Variants in RFTN1 observed in about 807,000 individuals in gnomAD.
The protein encoded by RFTN1 is raftlin, lipid raft linker 1.
RFTN1 carries 26 observed loss-of-function variants against 46.5 expected under a neutral mutation model. The observed-to-expected ratio is 0.56, with a 90% CI of 0.41 to 0.78. RFTN1 has a LOEUF of 0.78. RFTN1 is among the 30% of genes least tolerant of loss of function. RFTN1 has a pLI of 0.00. For synonymous variants in RFTN1, 261 were observed against 284.2 expected (o/e 0.92, Z 0.82); for missense variants, 693 against 718.7 (o/e 0.96, Z 0.41).
At chr3:16,343,057 C>T (rs2071416109) in intron 7 of RFTN1, among the ~76,000 whole-genome samples, 1 of 152,118 alleles carries the variant, frequency 6.6e-6, no homozygotes, top group African/African-American at 2.4e-5. Context: ...GTTGCCCAGG[C>T]TGGTTTTGAA....
chr3:16,485,962 A>C (rs753622771), intron 2 of RFTN1, among the ~76,000 whole-genome samples: 1 of 152,218 alleles, frequency 6.6e-6, no homozygotes, highest in Non-Finnish European at 1.5e-5. Context: ...GAAAAGAAAA[A>C]TACCTTCCTT....
At chr3:16,377,404 T>C (rs1575175059) in intron 5 of RFTN1, among the ~76,000 whole-genome samples, 1 of 152,202 alleles carries the variant, frequency 6.6e-6, no homozygotes, top group African/African-American at 2.4e-5. Context: ...GTGTGAAAAC[T>C]GGATAATTCA....
intron 2 of RFTN1, among the ~76,000 whole-genome samples, chr3:16,445,446 G>A (rs2075708137): frequency 6.8e-6 from 1 of 146,404 alleles, no homozygotes; most frequent in South Asian, 2.2e-4. Flanking sequence ...TCTGTCTGTT[G>A]CCATTTTTTC....
In RFTN1 at chr3:16,446,954, T is replaced by A. The variant is rs2075742446; in HGVS notation, c.146-12917A>T. On this transcript the variant is annotated intron_variant, in intron 2 of 9. Coordinates refer to ENST00000334133, the MANE Select transcript of RFTN1 (RefSeq NM_015150.2). The surrounding 1 kb of genome is among the most constrained non-coding windows in gnomAD (Gnocchi z 4.5). ...GACAAACTATGGAAACTATTGGAAA[T>A]CATAAAGACCACGTGTAAGACTAGT... Among the ~76,000 whole-genome samples the A allele has an allele frequency of 2.6e-5, 4 of 152,206 alleles. No individual in the cohort carries two copies. The South Asian group carries it at 8.3e-4, about 32-fold the overall frequency.
intron 6 of RFTN1, among the ~76,000 whole-genome samples, chr3:16,360,969 A>T (rs1159949944): frequency 6.6e-6 from 1 of 152,366 alleles, no homozygotes; most frequent in South Asian, 2.1e-4. Flanking sequence ...AGCAGCAGTT[A>T]TAAGTGGTAG....
At chr3:16,492,720 C>A (rs1184096715) in intron 2 of RFTN1, among the ~76,000 whole-genome samples, 2 of 152,202 alleles carry the variant, frequency 1.3e-5, no homozygotes, top group African/African-American at 4.8e-5. Context: ...AAAAACATGT[C>A]TTATACTGTT....
Position 16,326,822 on chromosome 3 carries a change from C to T in RFTN1, c.1201G>A (p.Gly401Ser). ...GGTAGCACACAGGTGAGCTGCCAGCCATAGGCCGCCAGCGAGTTCAGCAGG... is the reference window on the plus strand; with the variant it reads ...GGTAGCACACAGGTGAGCTGCCAGCTATAGGCCGCCAGCGAGTTCAGCAGG... ...VPLLNSLAAY[G>S]WQLTCVLPTP... The change falls in exon 8 of 10, where the codon GGC becomes AGC. Residue 401 changes from glycine to serine, a missense_variant. Coordinates refer to ENST00000334133, the MANE Select transcript of RFTN1 (RefSeq NM_015150.2). 6.2e-7 allele frequency: 1 copy of T among 1,614,128 alleles called. No individual in the cohort carries two copies. Among genetic ancestry groups the T allele is most frequent in the Non-Finnish European group, 8.5e-7 (1 of 1,180,016 alleles).
intron 4 of RFTN1, among the ~76,000 whole-genome samples, chr3:16,388,130 C>G (rs1048065952): frequency 2.6e-5 from 4 of 152,228 alleles, no homozygotes; most frequent in African/African-American, 7.2e-5. Flanking sequence ...CTTCACAAGT[C>G]TTTGTCATTG....
Position 16,342,817 on chromosome 3 carries a change from C to T in RFTN1, c.1146+15115G>A, listed in dbSNP as rs1575064000. 6.6e-6 allele frequency among the ~76,000 whole-genome samples: 1 copy of T among 152,174 alleles called. No individual in the cohort carries two copies. The highest frequency in any genetic ancestry group is 1.5e-5 in the Non-Finnish European group (1 of 68,022). The stretch of plus-strand genomic sequence containing the variant: ...AGTTGGAAGGGGTCAGGGTGGACCT[C>T]TAGTCCAGTGGCTGCTAGGCCTGGC... On this transcript the variant is annotated intron_variant, in intron 7 of 9. Transcript: ENST00000334133. The surrounding 1 kb of genome is among the most constrained non-coding windows in gnomAD (Gnocchi z 4.0).
chr3:16,397,651 C>T (rs996300724), intron 4 of RFTN1, among the ~76,000 whole-genome samples: 1 of 152,056 alleles, frequency 6.6e-6, no homozygotes, highest in African/African-American at 2.4e-5. Flanking sequence ...TGACCACACC[C>T]CCGCCCACCC....
chr3:16,441,952 A>T (rs2075633743), intron 2 of RFTN1, among the ~76,000 whole-genome samples: 2 of 152,212 alleles, frequency 1.3e-5, no homozygotes, highest in African/African-American at 4.8e-5. Flanking sequence ...TTTTTATTGT[A>T]TAGGTAGGAA....
chr3:16,389,657 GAAGA>G (rs1169219389), intron 4 of RFTN1, among the ~76,000 whole-genome samples: 2 of 152,156 alleles, frequency 1.3e-5, no homozygotes, highest in African/African-American at 4.8e-5. Context: ...TCTCCTAGTA[GAAGA>G]ATGAACCAGA....
At chr3:16,340,659 T>C (rs763464976) in intron 7 of RFTN1, among the ~76,000 whole-genome samples, 27 of 152,260 alleles carry the variant, frequency 1.8e-4, no homozygotes, top group Non-Finnish European at 1.3e-4. Flanking sequence ...CTTTCAAAGT[T>C]ACCTTGTCTT....
intron 4 of RFTN1, among the ~76,000 whole-genome samples, chr3:16,401,004 T>A (rs932957914): frequency 6.6e-6 from 1 of 152,060 alleles, no homozygotes; most frequent in African/African-American, 2.4e-5. Context: ...TCCCAATACC[T>A]TTCAGCTGAA....
chr3:16,319,148 A>G (rs537953143), intron 9 of RFTN1, among the ~76,000 whole-genome samples: 5 of 151,944 alleles, frequency 3.3e-5, no homozygotes, highest in African/African-American at 1.2e-4. Context: ...TTTTTAATGG[A>G]TGTTCCAAAA....
rs201625352 is a variant in RFTN1 at position 16,345,836 on chromosome 3, A to G, written c.1146+12096T>C. Among the ~76,000 whole-genome samples, 8,890 of 62,994 alleles carry G rather than the reference A, an allele frequency of 0.14. 475 individuals are homozygous for G. Among genetic ancestry groups the G allele is most frequent in the African/African-American group, 0.25 (5,757 of 23,100 alleles). 41.3% of individuals were successfully genotyped at this position (62,994 alleles called of 152,430 possible). ...TGTGTGTGCGCGCGCGCGTGCGCGC[A>G]CGCGCACATGTGCATGTGTATGTGT... On this transcript the variant is annotated intron_variant, in intron 7 of 9. Transcript: ENST00000334133. This position sits in a 1 kb window ranked among gnomAD's most constrained non-coding sequence, Gnocchi z 5.2.
At position 16,499,261 on chromosome 3, in the gene RFTN1, T is replaced by A. The variant is rs1349626726; in HGVS notation, c.-8-5384A>T. Among the ~76,000 whole-genome samples, 1 of 152,220 alleles carries A rather than the reference T, an allele frequency of 6.6e-6. No homozygotes were observed. Among genetic ancestry groups the A allele is most frequent in the Admixed American group, 6.5e-5 (1 of 15,288 alleles). ...ATTGAGCCTATTGAGAGGTGAGGTC[T>A]ATGTCAATTACCCTGAATCTGGGCT... On this transcript the variant is annotated intron_variant, in intron 1 of 9. Transcript: ENST00000334133. The surrounding 1 kb of genome is among the most constrained non-coding windows in gnomAD (Gnocchi z 4.9).
intron 1 of RFTN1, among the ~76,000 whole-genome samples, chr3:16,494,137 T>C (rs1286282536): frequency 6.6e-6 from 1 of 152,190 alleles, no homozygotes; most frequent in Admixed American, 6.5e-5. Context: ...ATACCTGTTT[T>C]ATATCTTTTT....
At position 16,407,725 on chromosome 3, in the gene RFTN1, G is replaced by A. The variant is rs886591964; in HGVS notation, c.441+1650C>T. Among the ~76,000 whole-genome samples, 1 of 152,094 alleles carries A rather than the reference G, an allele frequency of 6.6e-6. No homozygotes were observed. Among genetic ancestry groups the A allele is most frequent in the Non-Finnish European group, 1.5e-5 (1 of 67,998 alleles). On this transcript the variant is annotated intron_variant, in intron 4 of 9. Coordinates refer to ENST00000334133, the MANE Select transcript of RFTN1 (RefSeq NM_015150.2). This position sits in a 1 kb window ranked among gnomAD's most constrained non-coding sequence, Gnocchi z 4.0. ...AAAGATAGCTCTATTTCTATAGAAA[G>A]CTACATGCGTTATTAAAACACTTGT...
Sources: allele counts gnomAD v4.1 joint callset (sites outside exome capture counted in the v4.1 genomes callset), GRCh38; gene constraint gnomAD v4.1.1; non-coding constraint Gnocchi (gnomAD v3.1); transcripts MANE v1.5; gene names NCBI Gene and HGNC (gene_info 2026-07-23, HGNC 2026-07-21).